MYO18B: variants seen among roughly 807,000 people sequenced by gnomAD.
MYO18B encodes the protein myosin XVIIIB.
Under a neutral mutation model 273.0 loss-of-function variants are expected in MYO18B, and 204 were observed. That is an observed-to-expected ratio of 0.75 (90% confidence interval 0.67 to 0.84). MYO18B has a LOEUF of 0.84. MYO18B is among the 40% of genes least tolerant of loss of function. The pLI is 0.00. For synonymous variants in MYO18B, 1,330 were observed against 1,305.7 expected, an observed-to-expected ratio of 1.02 and a Z score of -0.40; for missense variants, 3,212 against 3,287.6, an observed-to-expected ratio of 0.98 and a Z score of 0.56.
chr22:25,832,405 C>T (rs1035866006), intron 15 of MYO18B, among the ~76,000 whole-genome samples: 3 of 152,014 alleles, frequency 2.0e-5, no homozygotes, highest in South Asian at 2.1e-4. Flanking sequence ...ACGCATATTA[C>T]GAGATACGCA....
chr22:26,032,526 T>G (rs578029713), downstream of MYO18B, among the ~76,000 whole-genome samples: 49 of 150,770 alleles, frequency 3.2e-4, no homozygotes, highest in Non-Finnish European at 6.1e-4. Flanking sequence ...TGTTTTTTTT[T>G]TTTTTTTTTT....
intron 17 of MYO18B, among the ~76,000 whole-genome samples, chr22:25,838,093 A>G (rs758274409): frequency 1.2e-4 from 19 of 152,030 alleles, no homozygotes; most frequent in African/African-American, 3.4e-4. Flanking sequence ...TCTGGAAAGA[A>G]AAAGAACTTT....
At chr22:25,860,372 C>T (rs1220323567) in intron 21 of MYO18B, among the ~76,000 whole-genome samples, 1 of 152,016 alleles carries the variant, frequency 6.6e-6, no homozygotes, top group Non-Finnish European at 1.5e-5. Flanking sequence ...CTCTATGTTA[C>T]TTCCTTCCTT....
At chr22:25,990,727 GA>G (rs869099801) in intron 39 of MYO18B, among the ~76,000 whole-genome samples, 20 of 31,120 alleles carry the variant, frequency 6.4e-4, no homozygotes, top group East Asian at 3.6e-3. Context: ...AAAAGAAAAA[GA>G]AAAAAAAAAA....
intron 1 of MYO18B, among the ~76,000 whole-genome samples, chr22:25,753,377 A>T (rs551904601): frequency 6.6e-6 from 1 of 152,364 alleles, no homozygotes; most frequent in East Asian, 1.9e-4. Flanking sequence ...AAAACAGACC[A>T]GTCAGCTCTC....
At chr22:25,897,098 C>G (rs571235635) in intron 28 of MYO18B, 1 of 152,334 alleles carries the variant, frequency 6.6e-6, no homozygotes, top group East Asian at 1.9e-4. Flanking sequence ...GCTTAAATGT[C>G]ACTCTCTCCA....
chr22:25,941,054 T>C (rs944795287), intron 34 of MYO18B, among the ~76,000 whole-genome samples: 7 of 152,228 alleles, frequency 4.6e-5, no homozygotes, highest in Non-Finnish European at 1.0e-4. Context: ...CTATTGAAAG[T>C]GTTTTGGTGC....
At chr22:26,033,827 T>C (rs11913179), downstream of MYO18B, among the ~76,000 whole-genome samples, 1 of 112,236 alleles carries the variant, frequency 8.9e-6, no homozygotes, top group Non-Finnish European at 1.7e-5. Context: ...CTTCCTCCCT[T>C]CCTTCTTTCT....
the MYO18B span, among the ~76,000 whole-genome samples, chr22:26,044,031 G>C: frequency 5.2e-3 from 790 of 152,232 alleles, 5 homozygotes; most frequent in African/African-American, 0.016. Flanking sequence ...TAGCCATTAT[G>C]GTGGGTGTAT....
At chr22:25,856,508 C>G (rs1281326315) in intron 21 of MYO18B, among the ~76,000 whole-genome samples, 1 of 152,198 alleles carries the variant, frequency 6.6e-6, no homozygotes, top group African/African-American at 2.4e-5. Context: ...GGCTTTGGGA[C>G]ACCCCAGGAG....
intron 29 of MYO18B, chr22:25,901,390 C>T (rs931991792): frequency 1.3e-5 from 2 of 152,212 alleles, no homozygotes; most frequent in African/African-American, 4.8e-5. Context: ...TATCGGTTTC[C>T]TCACCTGTGA....
chr22:25,768,565 C>A lies in MYO18B; in HGVS notation c.649C>A (p.Arg217=). The A allele has an allele frequency of 6.5e-7, 1 of 1,537,642 alleles. No individual in the cohort carries two copies. Among genetic ancestry groups the A allele is most frequent in the Non-Finnish European group, 8.7e-7 (1 of 1,146,572 alleles). ...CTTGGCCCCGAAAGCTGAGAAGACC[C>A]GGACTGGGGGTCTTGGGGACCCAGG... is the stretch of plus-strand genomic sequence containing the variant. ...EILAPKAEKT[R]TGGLGDPGQG... The change falls in exon 4 of 44, where the codon CGG becomes AGG. Residue 217 remains arginine (R), a synonymous_variant. Transcript: ENST00000335473.
intron 42 of MYO18B, among the ~76,000 whole-genome samples, chr22:26,014,815 G>A (rs1334620483): frequency 1.3e-5 from 2 of 152,084 alleles, no homozygotes; most frequent in African/African-American, 2.4e-5. Flanking sequence ...GATCAGTGAT[G>A]TTGAGCTTCT....
At chr22:25,918,406 TA>T (rs2092293330) in intron 33 of MYO18B, among the ~76,000 whole-genome samples, 1 of 152,266 alleles carries the variant, frequency 6.6e-6, no homozygotes, top group African/African-American at 2.4e-5. Flanking sequence ...AAACATCATG[TA>T]GATTTATTAG....
At position 25,847,520 on chromosome 22, in the gene MYO18B, G is replaced by A. The variant is rs1486332035; in HGVS notation, c.3643G>A (p.Glu1215Lys). The A allele has an allele frequency of 6.3e-7, 1 of 1,577,734 alleles. No individual in the cohort carries two copies. The highest frequency in any genetic ancestry group is 8.6e-7 in the Non-Finnish European group (1 of 1,161,592). ...NPVVESRSGQ[E>K]SPPPPQPGRD... The stretch of plus-strand genomic sequence containing the variant: ...TGTGGTGGAAAGCAGGAGTGGGCAG[G>A]AATCTCCACCACCACCGCAGCCTGG... The change falls in exon 20 of 44, where the codon GAA (glutamate) becomes AAA (lysine). Residue 1215 changes from glutamate (E) to lysine (K), a missense_variant. By Grantham distance (56) the Glu-to-Lys change is moderately conservative. Coordinates refer to ENST00000335473, the MANE Select transcript of MYO18B (RefSeq NM_032608.7).
intron 10 of MYO18B, among the ~76,000 whole-genome samples, chr22:25,782,541 CAT>C (rs1161505414): frequency 6.6e-6 from 1 of 152,196 alleles, no homozygotes; most frequent in East Asian, 1.9e-4. Flanking sequence ...GCATGTGGCT[CAT>C]GTGGCTTCCT....
intron 21 of MYO18B, among the ~76,000 whole-genome samples, chr22:25,852,438 T>G (rs1005411631): frequency 2.0e-5 from 3 of 152,108 alleles, no homozygotes; most frequent in Admixed American, 2.0e-4. Context: ...GACCTAACTT[T>G]GTATTGTTGT....
At chr22:26,022,860 G>T (rs1935928370) in intron 42 of MYO18B, among the ~76,000 whole-genome samples, 1 of 152,222 alleles carries the variant, frequency 6.6e-6, no homozygotes, top group Non-Finnish European at 1.5e-5. Flanking sequence ...AAGGCGAGTG[G>T]ATCTTGCCCT....
intron 12 of MYO18B, among the ~76,000 whole-genome samples, chr22:25,806,944 A>G (rs1330922334): frequency 2.0e-5 from 3 of 152,178 alleles, no homozygotes; most frequent in Non-Finnish European, 4.4e-5. Context: ...CCTACCTTCT[A>G]CAATCATTGT....
Sources: allele counts gnomAD v4.1 joint callset (sites outside exome capture counted in the v4.1 genomes callset), GRCh38; gene constraint gnomAD v4.1.1; transcripts MANE v1.5; gene names NCBI Gene and HGNC (gene_info 2026-07-23, HGNC 2026-07-21).